The following FGF12 variants were observed in gnomAD, a reference collection of about 807,000 sequenced individuals.
The protein encoded by FGF12 is fibroblast growth factor 12B.
A neutral mutation model predicts 23.6 loss-of-function variants in FGF12; 14 were observed. The observed-to-expected ratio is 0.59, with a 90% CI of 0.39 to 0.93. The LOEUF (loss-of-function observed/expected upper bound fraction) is 0.93. FGF12 is among the 40% of genes least tolerant of loss of function. The pLI, the probability that FGF12 is intolerant of heterozygous loss-of-function variation, is 0.00. For synonymous variants in FGF12, 62 were observed against 77.3 expected (o/e 0.80, Z 1.04); for missense variants, 175 against 217.8 (o/e 0.80, Z 1.24).
intron 3 of FGF12, among the ~76,000 whole-genome samples, chr3:192,353,940 A>C (rs1195555755): frequency 6.6e-6 from 1 of 152,218 alleles, no homozygotes; most frequent in Non-Finnish European, 1.5e-5. Flanking sequence ...TGTGATAAGA[A>C]ATAGATTTCC....
chr3:192,479,220 A>G (rs143155875), intron 2 of FGF12, among the ~76,000 whole-genome samples: 4 of 152,168 alleles, frequency 2.6e-5, no homozygotes, highest in Non-Finnish European at 5.9e-5. Flanking sequence ...CCAAGGCCAC[A>G]GGAGACTATA....
intron 4 of FGF12, among the ~76,000 whole-genome samples, chr3:192,270,577 C>A (rs1192465456): frequency 1.3e-5 from 2 of 152,038 alleles, no homozygotes; most frequent in African/African-American, 4.8e-5. Flanking sequence ...TCTGGATGAG[C>A]CAAGTCACAA....
chr3:192,592,797 C>A (rs1193161628), intron 2 of FGF12, among the ~76,000 whole-genome samples: 1 of 151,926 alleles, frequency 6.6e-6, no homozygotes, highest in Non-Finnish European at 1.5e-5. Flanking sequence ...TTCATGGAGA[C>A]TCAGTACACC....
chr3:192,210,304 G>C (rs1338392651), intron 4 of FGF12, among the ~76,000 whole-genome samples: 1 of 152,198 alleles, frequency 6.6e-6, no homozygotes, highest in Non-Finnish European at 1.5e-5. Flanking sequence ...CAGATTAAAA[G>C]AAGTCAGTAA....
At chr3:192,194,599 G>C (rs545006476) in intron 4 of FGF12, among the ~76,000 whole-genome samples, 10 of 152,192 alleles carry the variant, frequency 6.6e-5, no homozygotes, top group Admixed American at 2.0e-4. Context: ...GTATATACCT[G>C]GTGGAATTTT....
intron 2 of FGF12, among the ~76,000 whole-genome samples, chr3:192,383,516 AT>A (rs1359685597): frequency 7.1e-6 from 1 of 140,672 alleles, no homozygotes; most frequent in Admixed American, 7.0e-5. Context: ...AAGGATTCTG[AT>A]TTAAAAAAAA....
At chr3:192,521,463 T>C (rs1724809965) in intron 2 of FGF12, 1 of 152,216 alleles carries the variant, frequency 6.6e-6, no homozygotes, top group African/African-American at 2.4e-5. Context: ...ATATGAGCTG[T>C]TTATTTTGCA....
At chr3:192,470,162 T>A (rs1417215554) in intron 2 of FGF12, among the ~76,000 whole-genome samples, 1 of 152,120 alleles carries the variant, frequency 6.6e-6, no homozygotes, top group Admixed American at 6.5e-5. Flanking sequence ...AATAATAAGA[T>A]CAGTCTTTAA....
chr3:192,646,845 A>G lies in FGF12; in HGVS notation c.13+80336T>C, dbSNP rs141263101. Among the ~76,000 whole-genome samples the G allele has an allele frequency of 6.4e-4, 98 of 152,264 alleles. 1 individual carries two copies. Among genetic ancestry groups the G allele is most frequent in the Middle Eastern group, 6.8e-3 (2 of 294 alleles). Reference sequence around the variant, plus strand: ...AAAACCAGTACGTTGTATGTTTTAAATGGGTAAACTTTACGGTATGTAAAT... The same window carrying G: ...AAAACCAGTACGTTGTATGTTTTAAGTGGGTAAACTTTACGGTATGTAAAT... On this transcript the variant is annotated intron_variant, in intron 2 of 5. Transcript: ENST00000445105.
At chr3:192,284,311 T>C (rs867251550) in intron 4 of FGF12, among the ~76,000 whole-genome samples, 13 of 152,280 alleles carry the variant, frequency 8.5e-5, no homozygotes, top group Non-Finnish European at 4.4e-5. Context: ...CCATTGTGGA[T>C]GTTCAATTAA....
At chr3:192,500,444 A>T (rs6800095) in intron 2 of FGF12, among the ~76,000 whole-genome samples, 1 of 151,588 alleles carries the variant, frequency 6.6e-6, no homozygotes, top group Non-Finnish European at 1.5e-5. Context: ...ACATCCCCCC[A>T]CCCGCCACAC....
intron 3 of FGF12, among the ~76,000 whole-genome samples, chr3:192,352,385 A>G (rs1453274035): frequency 1.3e-5 from 2 of 152,250 alleles, no homozygotes; most frequent in African/African-American, 4.8e-5. Context: ...GCTGGGCCCC[A>G]GCCTCACAGT....
At chr3:192,317,643 T>G (rs992178824) in intron 4 of FGF12, among the ~76,000 whole-genome samples, 2 of 152,038 alleles carry the variant, frequency 1.3e-5, no homozygotes, top group African/African-American at 4.8e-5. Flanking sequence ...TGAACCTACA[T>G]GGGGGAAAAG....
At chr3:192,326,513 A>G (rs1477038946) in intron 4 of FGF12, among the ~76,000 whole-genome samples, 2 of 152,152 alleles carry the variant, frequency 1.3e-5, no homozygotes, top group Non-Finnish European at 2.9e-5. Flanking sequence ...CAGCTTTTCA[A>G]TATAAAATCA....
rs148914430 is a variant in FGF12, at chr3:192,532,425, T to A, written c.14-171887A>T. 1.7e-3 allele frequency among the ~76,000 whole-genome samples: 261 copies of A among 152,324 alleles called. 9 individuals are homozygous for A. The East Asian group carries it at 0.043, about 25-fold the overall frequency. ...TTTCTTTGTGTCATCTATGATTTCTTTCAGCATTGTTTTGTAGTTCTCCTT... is the reference window on the plus strand; with the variant it reads ...TTTCTTTGTGTCATCTATGATTTCTATCAGCATTGTTTTGTAGTTCTCCTT... On this transcript the variant is annotated intron_variant, in intron 2 of 5. Transcript: ENST00000445105.
intron 2 of FGF12, among the ~76,000 whole-genome samples, chr3:192,437,036 T>C (rs957299575): frequency 3.9e-5 from 6 of 152,194 alleles, no homozygotes; most frequent in Admixed American, 2.0e-4. Flanking sequence ...GAGAGTGATA[T>C]AGTCTGAATT....
intron 4 of FGF12, among the ~76,000 whole-genome samples, chr3:192,195,073 C>T (rs1338039436): frequency 6.6e-6 from 1 of 152,206 alleles, no homozygotes; most frequent in Non-Finnish European, 1.5e-5. Flanking sequence ...AACTAGGATG[C>T]AGATTGGCAG....
At chr3:192,575,793 A>G (rs534190490) in intron 2 of FGF12, among the ~76,000 whole-genome samples, 1 of 144,932 alleles carries the variant, frequency 6.9e-6, no homozygotes, top group East Asian at 1.9e-4. Flanking sequence ...CCCAACAAAT[A>G]ATCTGTAGGG....
At chr3:192,258,498 T>C (rs1285358709) in intron 4 of FGF12, among the ~76,000 whole-genome samples, 2 of 152,032 alleles carry the variant, frequency 1.3e-5, no homozygotes, top group Admixed American at 1.3e-4. Flanking sequence ...CAATAGCAGT[T>C]AAAAACAGTA....
Sources: gnomAD v4.1 joint callset for allele counts (sites outside exome capture counted in the v4.1 genomes callset) on GRCh38, gnomAD v4.1.1 for gene constraint, MANE v1.5 for transcripts, NCBI Gene and HGNC (gene_info 2026-07-23, HGNC 2026-07-21) for gene names.